FLII: variants seen among roughly 807,000 people sequenced by gnomAD.
FLII encodes the protein FLII actin remodeling protein.
FLII carries 101 observed loss-of-function variants against 156.2 expected under a neutral mutation model. The observed-to-expected ratio is 0.65, with a 90% CI of 0.55 to 0.76. The LOEUF (loss-of-function observed/expected upper bound fraction) is 0.76. FLII is among the 30% of genes least tolerant of loss of function. The pLI is 0.00. For synonymous variants in FLII, 767 were observed against 685.8 expected (o/e 1.12, Z -1.85); for missense variants, 1,675 against 1,682.8 (o/e 1.00, Z 0.08).
At chr17:18,250,729 C>T in intron 14 of FLII, 109 bp downstream of exon 14, 1 of 1,223,176 alleles carries the variant, frequency 8.2e-7, no homozygotes. Flanking sequence ...TTAACCCCAG[C>T]TCCCTGCCTG....
chr17:18,252,533 A>C lies in FLII; in HGVS notation c.1037T>G (p.Val346Gly). 1 of 1,613,694 alleles carries C rather than the reference A, an allele frequency of 6.2e-7. No individual in the cohort carries two copies. Among genetic ancestry groups the C allele is most frequent in the Non-Finnish European group, 8.5e-7 (1 of 1,179,996 alleles). The change falls in exon 10 of 30, where the codon GTC becomes GGC. Residue 346 changes from valine to glycine, a missense_variant. By Grantham distance (109) the Val-to-Gly change is moderately radical. Transcript: ENST00000327031. ...GGTCACCAGGTGGTTCTTGTTCAGG[A>C]CAAGTTTCCTCAGCTTTGGGCACCT... ...LCRCPKLRKL[V>G]LNKNHLVTLP... is the part of the protein sequence containing the mutation.
At position 18,246,800 on chromosome 17, in the gene FLII, C is replaced by G; in HGVS notation, c.2845G>C (p.Glu949Gln). The G allele has an allele frequency of 6.2e-7, 1 of 1,614,122 alleles. No individual in the cohort carries two copies. Among genetic ancestry groups the G allele is most frequent in the Non-Finnish European group, 8.5e-7 (1 of 1,179,982 alleles). Residue 949 changes from glutamate to glutamine, a missense_variant, in exon 23 of 30, where the codon GAG (glutamate) becomes CAG (glutamine). By Grantham distance (29) the Glu-to-Gln change is conservative. This residue lies in a region of FLII where 1,332 missense variants were observed against 1,269.3 expected (regional missense o/e 1.05). Transcript: ENST00000327031. Reference sequence around the variant, plus strand: ...TCCTCCTTGTCTTCCTTCTTTTCCTCCTCCTCGTACTCCACAGGCACCCAG... The same window carrying G: ...TCCTCCTTGTCTTCCTTCTTTTCCTGCTCCTCGTACTCCACAGGCACCCAG... The part of the protein sequence containing the change: ...RYWVPVEYEE[E>Q]EKKEDKEEKA...
chr17:18,247,197 G>A lies in FLII; in HGVS notation c.2648C>T (p.Pro883Leu), dbSNP rs765226264. The A allele has an allele frequency of 6.4e-7, 1 of 1,574,022 alleles. No individual in the cohort carries two copies. The highest frequency in any genetic ancestry group is 1.8e-5 in the Admixed American group (1 of 54,584). Reference sequence around the variant, plus strand: ...GGCCAGCGACATGGGCGGCTGCCGCGGCAGGAAAAGCGCAGTGAGGTCAGC... The same window carrying A: ...GGCCAGCGACATGGGCGGCTGCCGCAGCAGGAAAAGCGCAGTGAGGTCAGC... ...MKADLTALFL[P>L]RQPPMSLAEA... Residue 883 changes from proline to leucine, a missense_variant, in exon 21 of 30, where the codon CCG (proline) becomes CTG (leucine). This residue lies in a region of FLII where 1,332 missense variants were observed against 1,269.3 expected (regional missense o/e 1.05). Coordinates refer to ENST00000327031, the MANE Select transcript of FLII (RefSeq NM_002018.4).
rs2048187905 is a variant in FLII, at chr17:18,249,350, AC to A, written c.1834del (p.Val612TrpfsTer43). On this transcript the variant is annotated frameshift_variant, in exon 15 of 30. Coordinates refer to ENST00000327031, the MANE Select transcript of FLII (RefSeq NM_002018.4). LOFTEE classifies it high-confidence loss of function. ...EGGTASGFYT[V>X]EDTHYVTRMY... ...CCTGGTGACATAGTGTGTGTCTTCC[AC>A]AGTGTAGAAGCCACTGGCTGTTCCA... 5 of 1,613,826 alleles carry A rather than the reference AC, an allele frequency of 3.1e-6. No homozygotes were observed. The highest frequency in any genetic ancestry group is 4.2e-6 in the Non-Finnish European group (5 of 1,179,984).
In FLII at chr17:18,245,068, T is replaced by G. The variant is rs1322274098; in HGVS notation, c.*70A>C. On this transcript the variant is annotated 3_prime_UTR_variant, in exon 30 of 30. Transcript: ENST00000327031. ...AGCAGGTGGTGTCACCTGAGTACAT[T>G]CTTTGCTAGCAGACAGTGGATGAGG... 2 of 1,535,142 alleles carry G rather than the reference T, an allele frequency of 1.3e-6. No homozygotes were observed. Among genetic ancestry groups the G allele is most frequent in the South Asian group, 2.4e-5 (2 of 82,642 alleles).
chr17:18,245,535 G>C lies in FLII; in HGVS notation c.3609+20C>G. On this transcript the variant is annotated intron_variant, in intron 28 of 29. Transcript: ENST00000327031. ...TATGGGCGCCTCCTTGGATGGGCAGGGCTAGTGGCAACATCACACCTCTTG... is the reference window on the plus strand; with the variant it reads ...TATGGGCGCCTCCTTGGATGGGCAGCGCTAGTGGCAACATCACACCTCTTG... 1 of 1,611,762 alleles carries C rather than the reference G, an allele frequency of 6.2e-7. No individual in the cohort carries two copies. The highest frequency in any genetic ancestry group is 8.5e-7 in the Non-Finnish European group (1 of 1,178,178).
In FLII at chr17:18,256,562, C is replaced by T. The variant is rs148882149; in HGVS notation, c.210G>A (p.Thr70=). 7 of 1,551,566 alleles carry T rather than the reference C, an allele frequency of 4.5e-6. No individual in the cohort carries two copies. Among genetic ancestry groups the T allele is most frequent in the African/African-American group, 4.1e-5 (3 of 73,054 alleles). ...GCAGGCTGGACAGCTCCCCATGAAGCGTGGTCAGGTTGTTGTGGCTCACAG... is the reference window on the plus strand; with the variant it reads ...GCAGGCTGGACAGCTCCCCATGAAGTGTGGTCAGGTTGTTGTGGCTCACAG... ...HLSVSHNNLT[T]LHGELSSLPS... The change falls in exon 3 of 30, where the codon ACG becomes ACA. Residue 70 remains threonine (T), a synonymous_variant. Coordinates refer to ENST00000327031, the MANE Select transcript of FLII (RefSeq NM_002018.4).
intron 13 of FLII, 83 bp from the exon 14 acceptor site, chr17:18,251,100 T>C: frequency 6.7e-7 from 1 of 1,488,106 alleles, no homozygotes; most frequent in Non-Finnish European, 9.0e-7. Context: ...CAGCACAGGC[T>C]TCCCAGCCCC....
intron 24 of FLII, 40 bp from the exon 25 acceptor site, chr17:18,246,262 GC>G: frequency 6.2e-7 from 1 of 1,614,100 alleles, no homozygotes; most frequent in Non-Finnish European, 8.5e-7. Flanking sequence ...TTCAGGCCTG[GC>G]TCCCTGACGC....
intron 18 of FLII, among the ~76,000 whole-genome samples, 185 bp downstream of exon 18, chr17:18,248,365 G>A (rs567506242): frequency 3.9e-5 from 6 of 152,098 alleles, no homozygotes; most frequent in Admixed American, 2.0e-4. Context: ...GAAAGACTCC[G>A]TGAGGCTACT....
At chr17:18,247,089 A>G in intron 21 of FLII, 37 bp from the exon 22 acceptor site, 2 of 1,596,506 alleles carry the variant, frequency 1.3e-6, no homozygotes, top group Non-Finnish European at 1.7e-6. Flanking sequence ...GGCAGGTCTG[A>G]GCGCGCTCTG....
chr17:18,251,242 C>CT (rs779611908), intron 13 of FLII, 23 bp downstream of exon 13: 2 of 1,610,182 alleles, frequency 1.2e-6, no homozygotes, highest in Non-Finnish European at 1.7e-6. Flanking sequence ...CACATGGCCC[C>CT]TAACAGCATG....
At chr17:18,254,385 G>T in intron 6 of FLII, 136 bp downstream of exon 6, 1 of 912,822 alleles carries the variant, frequency 1.1e-6, no homozygotes, top group Non-Finnish European at 1.6e-6. Flanking sequence ...TTAGGAGGTT[G>T]TACACTGAGG....
chr17:18,253,225 C>T lies in FLII; in HGVS notation c.1013+76G>A, dbSNP rs1050599522. On this transcript the variant is annotated intron_variant, in intron 9 of 29. Transcript: ENST00000327031. ...CATTTTGTCTGACTTGCACAGACCA[C>T]AAGGTGGGCTCTGACTACGATCCCG... 1.7e-5 allele frequency: 25 copies of T among 1,496,278 alleles called. No homozygotes were observed. In the African/African-American group the frequency reaches 3.3e-4, roughly 20 times the overall value. 92.7% of individuals were successfully genotyped at this position (1,496,278 alleles called of 1,614,324 possible).
Position 18,247,345 on chromosome 17 carries a change from T to G in FLII, c.2500A>C (p.Lys834Gln), listed in dbSNP as rs1396249134. The G allele has an allele frequency of 6.2e-7, 1 of 1,604,140 alleles. No homozygotes were observed. Among genetic ancestry groups the G allele is most frequent in the Non-Finnish European group, 8.5e-7 (1 of 1,176,146 alleles). ...EGTEAQVFKA[K>Q]FKNWDDVLTV... The stretch of plus-strand genomic sequence containing the variant: ...AACACATCGTCCCAATTCTTGAACT[T>G]GGCCTTGAACACCTGCCAGGGAGGC... Residue 834 changes from lysine to glutamine, a missense_variant, in exon 21 of 30, where the codon AAG (lysine) becomes CAG (glutamine). Physicochemically the swap from Lys to Gln is moderately conservative, Grantham distance 53. This residue lies in a region of FLII where 1,332 missense variants were observed against 1,269.3 expected (regional missense o/e 1.05). Coordinates refer to ENST00000327031, the MANE Select transcript of FLII (RefSeq NM_002018.4).
chr17:18,249,194 G>C lies in FLII; in HGVS notation c.1867C>G (p.Arg623Gly), dbSNP rs201233040. 6.2e-7 allele frequency: 1 copy of C among 1,614,102 alleles called. No individual in the cohort carries two copies. Among genetic ancestry groups the C allele is most frequent in the Non-Finnish European group, 8.5e-7 (1 of 1,180,010 alleles). Reference protein sequence around the residue: ...EDTHYVTRMYRVYGKKNIKLE... With the variant: ...EDTHYVTRMYGVYGKKNIKLE... ...TTGATGTTCTTTTTCCCATACACAC[G>C]ATACATCCTGGGCGCAGGGCAAGAG... Residue 623 changes from arginine (R) to glycine (G), a missense_variant, in exon 16 of 30, where the codon CGT becomes GGT. Arg to Gly is a moderately radical substitution (Grantham distance 125). Around this residue, in one of 2 missense-constraint regions of FLII, gnomAD observed 1,332 missense variants for 1,269.3 expected, o/e 1.05. Transcript: ENST00000327031.
rs202018439 is a variant in FLII, at chr17:18,252,108, C to T, written c.1137G>A (p.Pro379=). Residue 379 remains proline, a synonymous_variant, in exon 11 of 30, where the codon CCG becomes CCA. Coordinates refer to ENST00000327031, the MANE Select transcript of FLII (RefSeq NM_002018.4). The part of the protein sequence containing the change: ...DVRENPNLVM[P]PKPADRAAEW... The stretch of plus-strand genomic sequence containing the variant: ...CAGCGGCACGGTCTGCGGGCTTGGG[C>T]GGCATGACCAGGTTGGGGTTCTCCC... 1.5e-4 allele frequency: 244 copies of T among 1,613,376 alleles called. 2 individuals carry two copies. The East Asian group carries it at 2.9e-3, about 19-fold the overall frequency.
intron 14 of FLII, among the ~76,000 whole-genome samples, chr17:18,249,815 C>T (rs1567711072): frequency 1.4e-5 from 2 of 146,100 alleles, no homozygotes; most frequent in Non-Finnish European, 3.0e-5. Context: ...AACAAACAAA[C>T]AACAACAAAA....
rs1359854255 is a variant in FLII, at chr17:18,258,303, C to G, written c.63+325G>C. 3.6e-6 allele frequency: 2 copies of G among 551,224 alleles called. No homozygotes were observed. The highest frequency in any genetic ancestry group is 4.9e-5 in the South Asian group (2 of 40,896). 34.1% of individuals were successfully genotyped at this position (551,224 alleles called of 1,614,324 possible). The stretch of plus-strand genomic sequence containing the variant: ...GCTTGGGCGTGTGACCTCAGAGGGG[C>G]GGGGAGGCTCGCCCGATCCCCAGGC... On this transcript the variant is annotated intron_variant, in intron 1 of 29. Transcript: ENST00000327031. This position sits in a 1 kb window ranked among gnomAD's most constrained non-coding sequence, Gnocchi z 4.2.
Sources: gnomAD v4.1 joint callset for allele counts (sites outside exome capture counted in the v4.1 genomes callset) on GRCh38, gnomAD v4.1.1 for gene constraint, gnomAD v4.1.1 regional missense constraint, Gnocchi (gnomAD v3.1) non-coding constraint, MANE v1.5 for transcripts, NCBI Gene and HGNC (gene_info 2026-07-23, HGNC 2026-07-21) for gene names.